RUNX2: variants seen among roughly 807,000 people sequenced by gnomAD.
The protein encoded by RUNX2 is runt-related transcription factor 2.
In RUNX2, 10 loss-of-function variants were observed where a neutral mutation model predicts 51.7. The observed-to-expected ratio is 0.19, with a 90% CI of 0.12 to 0.33. The LOEUF (loss-of-function observed/expected upper bound fraction) is 0.33, where lower values mean the gene tolerates loss of function less well. Among genes scored for constraint, RUNX2 ranks in the 10% least tolerant of loss-of-function variants. The pLI, the probability that RUNX2 is intolerant of heterozygous loss-of-function variation, is 1.00. For missense variants in RUNX2, 562 were observed against 691.3 expected, an observed-to-expected ratio of 0.81 and a Z score of 2.10; for synonymous variants, 276 against 273.6, an observed-to-expected ratio of 1.01 and a Z score of -0.09.
chr6:45,422,986 G>C, intron 3 of RUNX2, 29 bp downstream of exon 3: 1 of 1,600,154 alleles, frequency 6.2e-7, no homozygotes, highest in South Asian at 1.1e-5. Flanking sequence ...CCCCGCCCCC[G>C]GCCGGGAGCG....
intron 2 of RUNX2, among the ~76,000 whole-genome samples, chr6:45,418,048 T>C (rs568717470): frequency 6.6e-6 from 1 of 152,332 alleles, no homozygotes; most frequent in South Asian, 2.1e-4. Flanking sequence ...TTTTCCCATA[T>C]GAGACATTCA....
intron 2 of RUNX2, among the ~76,000 whole-genome samples, chr6:45,394,137 C>T (rs57013196): frequency 0.089 from 13,528 of 151,622 alleles, 778 homozygotes; most frequent in South Asian, 0.18. Context: ...GGTCGTGATC[C>T]GCCCTCCTCG....
chr6:45,433,214 G>T (rs1050809364), intron 4 of RUNX2, among the ~76,000 whole-genome samples: 1 of 152,158 alleles, frequency 6.6e-6, no homozygotes, highest in Non-Finnish European at 1.5e-5. Context: ...GAGGCTCACA[G>T]CCTCCGGTAG....
At chr6:45,526,185 G>C (rs185844841) in intron 7 of RUNX2, among the ~76,000 whole-genome samples, 20 of 152,300 alleles carry the variant, frequency 1.3e-4, no homozygotes, top group African/African-American at 4.6e-4. Context: ...TGTACATTTA[G>C]ATCTTGATAC....
intron 6 of RUNX2, among the ~76,000 whole-genome samples, chr6:45,500,215 C>T (rs1357782651): frequency 1.3e-5 from 2 of 152,092 alleles, no homozygotes; most frequent in East Asian, 3.9e-4. Flanking sequence ...TATCTCAGGG[C>T]TTCACACAGA....
chr6:45,455,274 A>G (rs1480540518), intron 5 of RUNX2, among the ~76,000 whole-genome samples: 1 of 152,234 alleles, frequency 6.6e-6, no homozygotes. Context: ...CAACTTACAA[A>G]GTAACTGTAG....
intron 7 of RUNX2, among the ~76,000 whole-genome samples, chr6:45,531,689 G>A (rs572179038): frequency 6.6e-6 from 1 of 152,050 alleles, no homozygotes; most frequent in Non-Finnish European, 1.5e-5. Context: ...GGAGACAGAG[G>A]CTGTGGTGAG....
chr6:45,516,102 A>G lies in RUNX2; in HGVS notation c.1021+3695A>G, dbSNP rs986598763. ...GAAGTTAATAAATGACAATAATCAC[A>G]GTGATATTATATTAGATAGTCTTGT... On this transcript the variant is annotated intron_variant, in intron 7 of 8. Coordinates refer to ENST00000647337, the MANE Select transcript of RUNX2 (RefSeq NM_001024630.4). Among the ~76,000 whole-genome samples, 89 of 152,222 alleles carry G rather than the reference A, an allele frequency of 5.8e-4. 1 individual carries two copies. Among genetic ancestry groups the G allele is most frequent in the Non-Finnish European group, 1.5e-4 (10 of 68,026 alleles).
At chr6:45,375,826 T>TAA (rs552598332) in intron 2 of RUNX2, among the ~76,000 whole-genome samples, 7 of 145,206 alleles carry the variant, frequency 4.8e-5, no homozygotes, top group African/African-American at 1.5e-4. Context: ...ACACTTGCTT[T>TAA]AAAAAAAAAA....
chr6:45,491,839 T>G, intron 5 of RUNX2, 102 bp from the exon 6 acceptor site: 1 of 1,161,484 alleles, frequency 8.6e-7, no homozygotes, highest in Non-Finnish European at 1.3e-6. Flanking sequence ...TATTGATAAT[T>G]CCTTGGCTTA....
At chr6:45,534,246 C>T (rs1170088257) in intron 7 of RUNX2, among the ~76,000 whole-genome samples, 1 of 151,844 alleles carries the variant, frequency 6.6e-6, no homozygotes, top group Non-Finnish European at 1.5e-5. Flanking sequence ...TAATGAGGCA[C>T]CTCTATTGGG....
rs114482137 is a variant in RUNX2 at position 45,335,315 on chromosome 6, T to G, written c.58+6531T>G. On this transcript the variant is annotated intron_variant, in intron 2 of 8. Coordinates refer to ENST00000647337, the MANE Select transcript of RUNX2 (RefSeq NM_001024630.4). ...GTATCTAAACAATGTGAATTTACTT[T>G]GAAGCTTAAAAGAAAGGATCATGAC... Among the ~76,000 whole-genome samples the G allele has an allele frequency of 2.5e-3, 386 of 151,386 alleles. 3 individuals are homozygous for G. The highest frequency in any genetic ancestry group is 8.5e-3 in the African/African-American group (353 of 41,508).
At chr6:45,480,679 G>T (rs1027410482) in intron 5 of RUNX2, among the ~76,000 whole-genome samples, 1 of 152,198 alleles carries the variant, frequency 6.6e-6, no homozygotes, top group African/African-American at 2.4e-5. Flanking sequence ...AAAGGTCTTA[G>T]ACTAGATTAA....
At chr6:45,443,046 T>C (rs1798886595) in intron 5 of RUNX2, among the ~76,000 whole-genome samples, 1 of 136,928 alleles carries the variant, frequency 7.3e-6, no homozygotes, top group Non-Finnish European at 1.6e-5. Context: ...CTTTTTTTTT[T>C]TTTTTTTTTT....
intron 2 of RUNX2, among the ~76,000 whole-genome samples, chr6:45,382,370 A>G (rs4510673): frequency 0.6 from 91,092 of 152,096 alleles, 27,650 homozygotes; most frequent in African/African-American, 0.66. Flanking sequence ...AGTGTTATCA[A>G]AAAAGTTTAT....
At chr6:45,471,278 A>T (rs1318218998) in intron 5 of RUNX2, among the ~76,000 whole-genome samples, 1 of 152,108 alleles carries the variant, frequency 6.6e-6, no homozygotes, top group African/African-American at 2.4e-5. Context: ...AGGAGTGTGT[A>T]TGACTTCCTA....
At chr6:45,471,416 A>G (rs183640430) in intron 5 of RUNX2, among the ~76,000 whole-genome samples, 33 of 150,690 alleles carry the variant, frequency 2.2e-4, no homozygotes, top group African/African-American at 7.6e-4. Flanking sequence ...AGTGGTACCT[A>G]CATCCCTCGC....
At chr6:45,447,508 A>G (rs976608719) in intron 5 of RUNX2, among the ~76,000 whole-genome samples, 8 of 152,082 alleles carry the variant, frequency 5.3e-5, no homozygotes, top group African/African-American at 1.9e-4. Flanking sequence ...TTTTAGTATT[A>G]TCTTTACCAT....
At chr6:45,533,868 C>T (rs145377674) in intron 7 of RUNX2, among the ~76,000 whole-genome samples, 8 of 149,414 alleles carry the variant, frequency 5.4e-5, no homozygotes, top group Non-Finnish European at 8.9e-5. Context: ...AAAGAAATAC[C>T]GTCCTTTCCC....
Sources: gnomAD v4.1 joint callset for allele counts (sites outside exome capture counted in the v4.1 genomes callset) on GRCh38, gnomAD v4.1.1 for gene constraint, MANE v1.5 for transcripts, NCBI Gene and HGNC (gene_info 2026-07-23, HGNC 2026-07-21) for gene names.